Variants in SGCZ observed in about 807,000 individuals in gnomAD.
The protein encoded by SGCZ is sarcoglycan zeta.
SGCZ carries 40 observed loss-of-function variants against 41.3 expected under a neutral mutation model. The observed-to-expected ratio is 0.97, with a 90% CI of 0.75 to 1.26. SGCZ has a LOEUF of 1.26. Among genes scored for constraint, SGCZ ranks in the 50% most tolerant of loss-of-function variants. SGCZ has a pLI of 0.00. For missense variants in SGCZ, 552 were observed against 369.8 expected (o/e 1.49, Z -4.04); for synonymous variants, 206 against 137.5 (o/e 1.50, Z -3.49).
At chr8:14,991,053 T>C (rs1801998468) in intron 1 of SGCZ, among the ~76,000 whole-genome samples, 2 of 152,172 alleles carry the variant, frequency 1.3e-5, no homozygotes, top group Non-Finnish European at 2.9e-5. Context: ...AAAATACTGA[T>C]CATTAAAAAT....
In SGCZ at chr8:15,045,934, C is replaced by G. The variant is rs537174189; in HGVS notation, c.39+191651G>C. ...ACTAATATCCAGATACTGGGTAATA[C>G]ATTTTTCCCATTTAAATATATTAAT... On this transcript the variant is annotated intron_variant, in intron 1 of 7. Transcript: ENST00000382080. Among the ~76,000 whole-genome samples, 117 of 152,044 alleles carry G rather than the reference C, an allele frequency of 7.7e-4. 1 individual carries two copies. The highest frequency in any genetic ancestry group is 8.2e-4 in the Non-Finnish European group (56 of 67,964).
At chr8:15,181,988 G>A (rs535796784) in intron 1 of SGCZ, among the ~76,000 whole-genome samples, 141 of 152,218 alleles carry the variant, frequency 9.3e-4, no homozygotes, top group African/African-American at 3.3e-3. Flanking sequence ...ACGATGGTGG[G>A]TAAGCCATAG....
intron 3 of SGCZ, among the ~76,000 whole-genome samples, chr8:14,293,876 T>C (rs1800925494): frequency 6.6e-6 from 1 of 151,880 alleles, no homozygotes; most frequent in Non-Finnish European, 1.5e-5. Flanking sequence ...TTCAGCTACA[T>C]TCAGGAGCCA....
In SGCZ at chr8:15,230,932, C is replaced by T. The variant is rs139670123; in HGVS notation, c.39+6653G>A. Reference sequence around the variant, plus strand: ...CCCTTGGCCAAGAAGGTTTGAGGGACATCCCCAAGGTGCCACTACTGGTAG... The same window carrying T: ...CCCTTGGCCAAGAAGGTTTGAGGGATATCCCCAAGGTGCCACTACTGGTAG... On this transcript the variant is annotated intron_variant, in intron 1 of 7. Transcript: ENST00000382080. Among the ~76,000 whole-genome samples the T allele has an allele frequency of 4.6e-3, 695 of 152,338 alleles. 3 individuals carry two copies. Among genetic ancestry groups the T allele is most frequent in the African/African-American group, 0.016 (664 of 41,582 alleles).
At chr8:15,177,269 C>A (rs2603520) in intron 1 of SGCZ, among the ~76,000 whole-genome samples, 1 of 152,074 alleles carries the variant, frequency 6.6e-6, no homozygotes, top group African/African-American at 2.4e-5. Flanking sequence ...CTCAGATGGT[C>A]GAAATTATGC....
At chr8:15,222,668 A>T (rs1801642448) in intron 1 of SGCZ, among the ~76,000 whole-genome samples, 1 of 152,122 alleles carries the variant, frequency 6.6e-6, no homozygotes, top group Non-Finnish European at 1.5e-5. Flanking sequence ...GTTTTTATAC[A>T]TCCCAAACTG....
intron 1 of SGCZ, among the ~76,000 whole-genome samples, chr8:14,826,999 A>C (rs1290481250): frequency 6.6e-6 from 1 of 152,122 alleles, no homozygotes; most frequent in African/African-American, 2.4e-5. Context: ...TTAGACATGA[A>C]GTCCTTGCCC....
At chr8:14,344,598 A>AG (rs1802827106) in intron 2 of SGCZ, among the ~76,000 whole-genome samples, 1 of 152,080 alleles carries the variant, frequency 6.6e-6, no homozygotes. Context: ...GAAAGGGAAA[A>AG]GGGGGGAACG....
intron 1 of SGCZ, among the ~76,000 whole-genome samples, chr8:14,963,756 C>T (rs772910642): frequency 1.3e-5 from 2 of 152,172 alleles, no homozygotes; most frequent in South Asian, 2.1e-4. Flanking sequence ...CACTTTCACG[C>T]AGGTCATCCC....
intron 1 of SGCZ, among the ~76,000 whole-genome samples, chr8:15,154,373 G>A (rs561998772): frequency 1.3e-5 from 2 of 152,170 alleles, no homozygotes; most frequent in Non-Finnish European, 2.9e-5. Flanking sequence ...GGACCACCCA[G>A]CTTTTGCTCA....
At chr8:14,671,155 T>C (rs1808089725) in intron 1 of SGCZ, among the ~76,000 whole-genome samples, 1 of 152,210 alleles carries the variant, frequency 6.6e-6, no homozygotes, top group East Asian at 1.9e-4. Context: ...GAGTCATCCA[T>C]TTATAGAACC....
At chr8:14,157,186 A>T (rs1803900411) in intron 5 of SGCZ, among the ~76,000 whole-genome samples, 1 of 151,506 alleles carries the variant, frequency 6.6e-6, no homozygotes, top group Non-Finnish European at 1.5e-5. Flanking sequence ...AAGAAATTTT[A>T]TCTCCATCAT....
chr8:14,939,024 G>A (rs1036641357), intron 1 of SGCZ, among the ~76,000 whole-genome samples: 1 of 152,072 alleles, frequency 6.6e-6, no homozygotes, highest in Non-Finnish European at 1.5e-5. Context: ...ACAAACAGCA[G>A]CTACTCCATG....
chr8:14,420,138 G>A (rs1799600347), intron 2 of SGCZ, among the ~76,000 whole-genome samples: 1 of 151,916 alleles, frequency 6.6e-6, no homozygotes, highest in South Asian at 2.1e-4. Flanking sequence ...AAGGGCTTAT[G>A]ATTCTTGTCC....
intron 3 of SGCZ, among the ~76,000 whole-genome samples, chr8:14,283,183 T>C (rs955418125): frequency 2.6e-5 from 4 of 152,080 alleles, no homozygotes; most frequent in Admixed American, 6.6e-5. Context: ...CCTTCTCTTG[T>C]CGATATAGAT....
intron 2 of SGCZ, among the ~76,000 whole-genome samples, chr8:14,427,712 G>C (rs939162825): frequency 2.4e-4 from 36 of 152,050 alleles, no homozygotes; most frequent in African/African-American, 8.5e-4. Context: ...CTATTAGCAG[G>C]TAACTATCAC....
intron 3 of SGCZ, among the ~76,000 whole-genome samples, chr8:14,284,401 C>T (rs1800551812): frequency 6.6e-6 from 1 of 152,140 alleles, no homozygotes; most frequent in African/African-American, 2.4e-5. Context: ...CACACAAACA[C>T]ACAAAAAATA....
chr8:14,800,367 G>A (rs906795781), intron 1 of SGCZ, among the ~76,000 whole-genome samples: 2 of 152,156 alleles, frequency 1.3e-5, no homozygotes, highest in African/African-American at 4.8e-5. Context: ...GAATAGGGAA[G>A]GGGTTAATCC....
intron 1 of SGCZ, among the ~76,000 whole-genome samples, chr8:15,183,702 T>C (rs1800246603): frequency 6.6e-6 from 1 of 152,226 alleles, no homozygotes; most frequent in South Asian, 2.1e-4. Context: ...TCTATGTTAC[T>C]TATGAAAATA....
Sources: allele counts gnomAD v4.1 joint callset (sites outside exome capture counted in the v4.1 genomes callset), GRCh38; gene constraint gnomAD v4.1.1; transcripts MANE v1.5; gene names NCBI Gene and HGNC (gene_info 2026-07-23, HGNC 2026-07-21).